The following ATIC variants were observed in gnomAD, a reference collection of about 807,000 sequenced individuals.
The protein encoded by ATIC is bifunctional purine biosynthesis protein ATIC.
In ATIC, 64 loss-of-function variants were observed where a neutral mutation model predicts 72.5. That is an observed-to-expected ratio of 0.88 (90% CI 0.72 to 1.09). ATIC has a LOEUF of 1.09. Among genes scored for constraint, ATIC ranks in the 50% least tolerant of loss-of-function variants. The pLI, the probability that ATIC is intolerant of heterozygous loss-of-function variation, is 0.00. For missense variants in ATIC, 787 were observed against 732.4 expected (o/e 1.07, Z -0.86); for synonymous variants, 281 against 267.1 (o/e 1.05, Z -0.51).
intron 14 of ATIC, among the ~76,000 whole-genome samples, chr2:215,347,869 A>G (rs1010157242): frequency 2.0e-5 from 3 of 152,146 alleles, no homozygotes; most frequent in African/African-American, 4.8e-5. Context: ...CTATGACACA[A>G]TACTGCAGGC....
intron 7 of ATIC, among the ~76,000 whole-genome samples, chr2:215,328,479 G>T (rs2052854216): frequency 6.6e-6 from 1 of 151,990 alleles, no homozygotes; most frequent in Non-Finnish European, 1.5e-5. Flanking sequence ...CTCCAAGTGG[G>T]CCCAGCTCTT....
intron 6 of ATIC, 23 bp downstream of exon 6, chr2:215,326,161 T>G: frequency 3.1e-6 from 5 of 1,613,536 alleles, no homozygotes; most frequent in Non-Finnish European, 4.2e-6. Flanking sequence ...TTCATGATAT[T>G]GTAAGTTACA....
intron 4 of ATIC, among the ~76,000 whole-genome samples, chr2:215,324,918 G>A (rs1559269846): frequency 6.6e-6 from 1 of 152,068 alleles, no homozygotes; most frequent in Admixed American, 6.6e-5. Context: ...CTATTAAAAT[G>A]TTCTATAAAT....
chr2:215,313,295 C>T (rs2052675174), intron 2 of ATIC, among the ~76,000 whole-genome samples: 1 of 152,208 alleles, frequency 6.6e-6, no homozygotes, highest in Non-Finnish European at 1.5e-5. Flanking sequence ...AACTCGACAT[C>T]ATGAAGATTC....
intron 15 of ATIC, 116 bp downstream of exon 15, chr2:215,349,365 C>T: frequency 6.3e-7 from 1 of 1,576,190 alleles, no homozygotes. Flanking sequence ...CAGTAATATT[C>T]AGAGAACCAT....
At chr2:215,337,686 T>G (rs561574504) in intron 11 of ATIC, among the ~76,000 whole-genome samples, 2 of 152,164 alleles carry the variant, frequency 1.3e-5, no homozygotes, top group Non-Finnish European at 2.9e-5. Context: ...TTAATCAAGT[T>G]TTTTTTTTGT....
intron 4 of ATIC, among the ~76,000 whole-genome samples, chr2:215,320,162 A>G (rs2052752165): frequency 6.6e-6 from 1 of 152,198 alleles, no homozygotes; most frequent in African/African-American, 2.4e-5. Flanking sequence ...CATATTAGGA[A>G]TTATCAACTT....
intron 9 of ATIC, among the ~76,000 whole-genome samples, chr2:215,334,041 C>CAAAA (rs34643540): frequency 7.6e-6 from 1 of 132,002 alleles, no homozygotes; most frequent in Non-Finnish European, 1.6e-5. Context: ...TACTCCGTCT[C>CAAAA]AAAAAAAAAA....
At chr2:215,342,240 A>G (rs73987842) in intron 12 of ATIC, among the ~76,000 whole-genome samples, 4,704 of 152,308 alleles carry the variant, frequency 0.031, 231 homozygotes, top group African/African-American at 0.11. Context: ...TGGGAACCAG[A>G]GGAATCAGAT....
chr2:215,320,718 T>A (rs1271176741), intron 4 of ATIC, among the ~76,000 whole-genome samples: 2 of 152,194 alleles, frequency 1.3e-5, no homozygotes, highest in African/African-American at 2.4e-5. Context: ...TAGCTGAGAT[T>A]ACAGGCGTTT....
chr2:215,359,650 A>G, the ATIC span, among the ~76,000 whole-genome samples: 1 of 152,188 alleles, frequency 6.6e-6, no homozygotes, highest in African/African-American at 2.4e-5. Flanking sequence ...GCCCTGTAAA[A>G]TTAAGCTCTA....
At chr2:215,352,252 GT>G (rs2053136065), downstream of ATIC, among the ~76,000 whole-genome samples, 2 of 152,174 alleles carry the variant, frequency 1.3e-5, no homozygotes, top group Admixed American at 1.3e-4. Context: ...GAAATTAGGT[GT>G]GATGTATCCT....
At chr2:215,312,185 G>A (rs1174633517) in intron 1 of ATIC, 24 bp downstream of exon 1, 4 of 1,498,754 alleles carry the variant, frequency 2.7e-6, no homozygotes, top group Non-Finnish European at 3.5e-6. Context: ...GGAGCGGCGC[G>A]GTCTGCGTCC....
chr2:215,349,022 A>G (rs2053101556), intron 14 of ATIC, 72 bp from the exon 15 acceptor site: 3 of 1,502,914 alleles, frequency 2.0e-6, no homozygotes, highest in East Asian at 2.3e-5. Context: ...GCTTTCTGGC[A>G]TGGTGATTTG....
chr2:215,364,673 TAA>T, the ATIC span: 1 of 604,076 alleles, frequency 1.7e-6, no homozygotes, highest in South Asian at 1.9e-5. Context: ...TTCTTTCTAC[TAA>T]GAGTAATAGA....
rs144871883 is a variant in ATIC at position 215,313,886 on chromosome 2, C to T, written c.146+1262C>T. On this transcript the variant is annotated intron_variant, in intron 2 of 15. Coordinates refer to ENST00000236959, the MANE Select transcript of ATIC (RefSeq NM_004044.7). ...AGTTGGCTCTTTGCTCATCAGCAAC[C>T]GAATGAGAATTCAAAGTCCAGACCT... 2.1e-3 allele frequency among the ~76,000 whole-genome samples: 322 copies of T among 152,210 alleles called. 1 individual carries two copies. The highest frequency in any genetic ancestry group is 1.7e-3 in the East Asian group (9 of 5,180).
At chr2:215,365,525 C>G in the ATIC span, 1 of 1,614,132 alleles carries the variant, frequency 6.2e-7, no homozygotes, top group South Asian at 1.1e-5. Flanking sequence ...CTTGAATTCT[C>G]CTTTTCCGTT....
At chr2:215,348,679 C>T (rs2053096566) in intron 14 of ATIC, 1 of 426,700 alleles carries the variant, frequency 2.3e-6, no homozygotes, top group African/African-American at 2.1e-5. Context: ...TTAAGAAATC[C>T]TGGCCGGGCG....
chr2:215,358,563 A>G, the ATIC span, among the ~76,000 whole-genome samples: 1 of 152,210 alleles, frequency 6.6e-6, no homozygotes, highest in Non-Finnish European at 1.5e-5. Flanking sequence ...GATTGGGGTT[A>G]TCATACAATG....
Sources: allele counts gnomAD v4.1 joint callset (sites outside exome capture counted in the v4.1 genomes callset), GRCh38; gene constraint gnomAD v4.1.1; transcripts MANE v1.5; gene names NCBI Gene and HGNC (gene_info 2026-07-23, HGNC 2026-07-21).